Variants in SV2C observed in about 807,000 individuals in gnomAD.
SV2C encodes the protein synaptic vesicle glycoprotein 2C.
A neutral mutation model predicts 79.7 loss-of-function variants in SV2C; 49 were observed. The observed-to-expected ratio is 0.61, with a 90% CI of 0.49 to 0.78. The LOEUF is 0.78. Ranked by LOEUF, SV2C falls within the 30% of genes least tolerant of loss-of-function variation. SV2C has a pLI of 0.00. For missense variants in SV2C, 833 were observed against 912.9 expected (o/e 0.91, Z 1.13); for synonymous variants, 334 against 333.2 (o/e 1.00, Z -0.03).
intron 6 of SV2C, 105 bp downstream of exon 6, chr5:76,285,975 G>C (rs1460665373): frequency 1.0e-6 from 1 of 960,386 alleles, no homozygotes; most frequent in East Asian, 2.6e-5. Context: ...TACGGTCTTT[G>C]ACACAGCTAC....
At chr5:75,997,092 G>A in the SV2C span, among the ~76,000 whole-genome samples, 66,892 of 146,376 alleles carry the variant, frequency 0.46, 15,841 homozygotes, top group Middle Eastern at 0.62. Flanking sequence ...TCCAGTTTTT[G>A]CCCATGCAGT....
intron 2 of SV2C, among the ~76,000 whole-genome samples, chr5:76,177,263 T>C (rs935034647): frequency 6.6e-6 from 1 of 150,486 alleles, no homozygotes; most frequent in African/African-American, 2.4e-5. Flanking sequence ...GTATTTCTTA[T>C]AGTCTGGGTA....
chr5:75,860,281 C>A, the SV2C span, among the ~76,000 whole-genome samples: 2 of 152,014 alleles, frequency 1.3e-5, no homozygotes, highest in Non-Finnish European at 1.5e-5. Flanking sequence ...GAACACAATC[C>A]CATTTACAAT....
chr5:75,894,252 A>G, the SV2C span, among the ~76,000 whole-genome samples: 1 of 152,082 alleles, frequency 6.6e-6, no homozygotes. Flanking sequence ...TATAAAAACA[A>G]TTAGAACACT....
the SV2C span, among the ~76,000 whole-genome samples, chr5:75,967,947 C>T: frequency 7.9e-5 from 12 of 152,236 alleles, no homozygotes; most frequent in South Asian, 6.2e-4. Flanking sequence ...AGACCTCACA[C>T]GGCCAGGTAC....
chr5:76,235,604 A>G (rs1468268206), intron 4 of SV2C, among the ~76,000 whole-genome samples: 1 of 152,236 alleles, frequency 6.6e-6, no homozygotes, highest in African/African-American at 2.4e-5. Flanking sequence ...GAATGCTGTC[A>G]CTGAGGTGTA....
the SV2C span, among the ~76,000 whole-genome samples, chr5:75,900,694 C>T: frequency 1.3e-5 from 2 of 151,862 alleles, no homozygotes; most frequent in South Asian, 4.2e-4. Context: ...GTCACTTTCA[C>T]ATGTAGTACA....
the SV2C span, among the ~76,000 whole-genome samples, chr5:75,977,028 G>T: frequency 6.6e-6 from 1 of 152,062 alleles, no homozygotes; most frequent in South Asian, 2.1e-4. Flanking sequence ...TGACAGAAAA[G>T]GGTATTGGAA....
chr5:76,182,959 CAG>C (rs58651320), intron 2 of SV2C, among the ~76,000 whole-genome samples: 20 of 141,300 alleles, frequency 1.4e-4, no homozygotes, highest in South Asian at 2.2e-4. Flanking sequence ...GAGAGAGAGA[CAG>C]AGAGAGAGAG....
chr5:76,073,199 C>G, the SV2C span, among the ~76,000 whole-genome samples: 1 of 152,006 alleles, frequency 6.6e-6, no homozygotes, highest in Non-Finnish European at 1.5e-5. Context: ...CCAATGTTAT[C>G]TTCTAGAATT....
chr5:76,247,163 G>A (rs1745971155), intron 4 of SV2C, among the ~76,000 whole-genome samples: 1 of 152,160 alleles, frequency 6.6e-6, no homozygotes, highest in Non-Finnish European at 1.5e-5. Flanking sequence ...CAGTGAGGCG[G>A]ACACACCTTG....
At chr5:76,041,541 G>A in the SV2C span, among the ~76,000 whole-genome samples, 2 of 152,146 alleles carry the variant, frequency 1.3e-5, no homozygotes, top group East Asian at 3.9e-4. Flanking sequence ...CAGGACATCT[G>A]GGCAAGGAAT....
At position 76,183,030 on chromosome 5, in the gene SV2C, A is replaced by ATCTT. The variant is rs58317002; in HGVS notation, c.581-11888_581-11887insCTTT. ...TGACCACATCTCATGAGAACCTACC[A>ATCTT]TTTTTTTTTTTTTTTTTTTTTTTGA... On this transcript the variant is annotated intron_variant, in intron 2 of 12. Coordinates refer to ENST00000502798, the MANE Select transcript of SV2C (RefSeq NM_014979.4). 3.5e-3 allele frequency among the ~76,000 whole-genome samples: 354 copies of ATCTT among 101,974 alleles called. 31 individuals are homozygous for ATCTT. The highest frequency in any genetic ancestry group is 4.3e-3 in the African/African-American group (105 of 24,578). The allele number at this position is 101,974 out of a possible 152,430, so 66.9% of individuals were successfully genotyped here. A position where few individuals can be genotyped will look rare whatever the true frequency, so the allele number is the denominator to read the frequency against.
chr5:76,319,276 G>T (rs375275772), intron 12 of SV2C, among the ~76,000 whole-genome samples: 1 of 151,532 alleles, frequency 6.6e-6, no homozygotes, highest in African/African-American at 2.4e-5. Flanking sequence ...AAAATTGCCC[G>T]TGTGCGGCAG....
intron 1 of SV2C, among the ~76,000 whole-genome samples, chr5:76,108,403 G>T (rs1004263763): frequency 1.3e-5 from 2 of 152,142 alleles, no homozygotes; most frequent in Admixed American, 6.5e-5. Context: ...AAAAGAATTT[G>T]GAAGAGTCAT....
At chr5:75,891,861 G>A in the SV2C span, among the ~76,000 whole-genome samples, 1 of 151,962 alleles carries the variant, frequency 6.6e-6, no homozygotes, top group Non-Finnish European at 1.5e-5. Flanking sequence ...TCTAGTCTGT[G>A]AGCCAGCACC....
At chr5:75,984,705 G>T in the SV2C span, among the ~76,000 whole-genome samples, 2 of 151,906 alleles carry the variant, frequency 1.3e-5, no homozygotes, top group Non-Finnish European at 2.9e-5. Flanking sequence ...TGATTGTGAG[G>T]ACTGCATAGG....
At chr5:75,945,612 C>A in the SV2C span, among the ~76,000 whole-genome samples, 2 of 152,034 alleles carry the variant, frequency 1.3e-5, no homozygotes, top group African/African-American at 2.4e-5. Flanking sequence ...AACCACCATG[C>A]CTGCCCAAAA....
chr5:76,156,666 A>G (rs1443000290), intron 2 of SV2C, among the ~76,000 whole-genome samples: 1 of 152,242 alleles, frequency 6.6e-6, no homozygotes, highest in East Asian at 1.9e-4. Context: ...TTAAATACAT[A>G]AAAGTAGGTA....
Sources: allele counts gnomAD v4.1 joint callset (sites outside exome capture counted in the v4.1 genomes callset), GRCh38; gene constraint gnomAD v4.1.1; transcripts MANE v1.5; gene names NCBI Gene and HGNC (gene_info 2026-07-23, HGNC 2026-07-21).